Variants in CES4A observed in about 807,000 individuals in gnomAD.
The protein encoded by CES4A is carboxylesterase 6.
In CES4A, 48 loss-of-function variants were observed where a neutral mutation model predicts 65.4. The ratio of observed to expected loss-of-function variants is 0.73; its 90% CI spans 0.58 to 0.93. The LOEUF (loss-of-function observed/expected upper bound fraction) is 0.93. CES4A is among the 40% of genes least tolerant of loss of function. CES4A has a pLI of 0.00. For missense variants in CES4A, 685 were observed against 728.5 expected (o/e 0.94, Z 0.69); for synonymous variants, 247 against 281.8 (o/e 0.88, Z 1.24).
chr16:67,001,020 A>G lies in CES4A; in HGVS notation c.536+30A>G, dbSNP rs1243931075. 1 of 1,411,130 alleles carries G rather than the reference A, an allele frequency of 7.1e-7. No homozygotes were observed. Among genetic ancestry groups the G allele is most frequent in the Non-Finnish European group, 9.5e-7 (1 of 1,053,914 alleles). 87.4% of individuals were successfully genotyped at this position (1,411,130 alleles called of 1,614,324 possible). ...CGGGGCCGGTACCCTTTGGGACCGC[A>G]GCTGTGGCCAGAGCGGCGGGGACTG... On this transcript the variant is annotated intron_variant, in intron 4 of 13. Coordinates refer to ENST00000648724, the Ensembl canonical transcript of CES4A. This position sits in a 1 kb window ranked among gnomAD's most constrained non-coding sequence, Gnocchi z 4.1.
At chr16:67,004,146 C>T (rs1567586248) in exon 9 of CES4A, 1 of 1,614,136 alleles carries the variant, frequency 6.2e-7, no homozygotes, top group Non-Finnish European at 8.5e-7. Flanking sequence ...CTTTGGTGCT[C>T]CTGACCCAGG....
chr16:67,004,047 T>C (rs765501158), intron 8 of CES4A, 37 bp from the exon 9 acceptor site: 2 of 1,611,956 alleles, frequency 1.2e-6, no homozygotes, highest in East Asian at 2.2e-5. Context: ...GGGAGGATAC[T>C]TGAGGAGACT....
At chr16:67,010,412 T>C (rs1445084099), downstream of CES4A, among the ~76,000 whole-genome samples, 1 of 151,438 alleles carries the variant, frequency 6.6e-6, no homozygotes, top group Non-Finnish European at 1.5e-5. Flanking sequence ...ATTTTACCAT[T>C]TTAACTATTT....
chr16:66,989,483 C>G (rs1007251287), intron 1 of CES4A, among the ~76,000 whole-genome samples: 1 of 151,788 alleles, frequency 6.6e-6, no homozygotes, highest in African/African-American at 2.4e-5. Context: ...TTACTTGAGC[C>G]CAGGAGTTTG....
intron 2 of CES4A, 62 bp downstream of exon 2, chr16:66,995,891 G>A: frequency 6.8e-7 from 1 of 1,462,880 alleles, no homozygotes; most frequent in South Asian, 1.2e-5. Flanking sequence ...ATCTGGGTGG[G>A]GCTTTGCACA....
intron 1 of CES4A, 106 bp downstream of exon 1, chr16:66,988,936 T>C: frequency 7.4e-7 from 1 of 1,343,060 alleles, no homozygotes; most frequent in Non-Finnish European, 1.0e-6. Flanking sequence ...CAGGAGCACT[T>C]AGACAAGGCC....
chr16:66,999,535 C>T (rs1965116626), intron 2 of CES4A, among the ~76,000 whole-genome samples: 1 of 152,244 alleles, frequency 6.6e-6, no homozygotes, highest in Admixed American at 6.5e-5. Context: ...GGCATGGTGG[C>T]TCATGCCTAT....
intron 1 of CES4A, among the ~76,000 whole-genome samples, chr16:66,992,387 C>T (rs1432230390): frequency 6.6e-6 from 1 of 152,184 alleles, no homozygotes; most frequent in Non-Finnish European, 1.5e-5. Flanking sequence ...CATTTTTGGC[C>T]ACCTGCAGCT....
exon 12 of CES4A, chr16:67,006,475 A>G (rs528480220): frequency 7.2e-6 from 11 of 1,536,636 alleles, no homozygotes; most frequent in Middle Eastern, 1.7e-4. Context: ...GGGGCAGACC[A>G]TGGGGATGAG....
chr16:67,009,792 G>T (rs1966040189), downstream of CES4A: 1 of 152,284 alleles, frequency 6.6e-6, no homozygotes, highest in Non-Finnish European at 1.5e-5. Context: ...CTCAATTTGA[G>T]CCCTGAGAGA....
exon 14 of CES4A, chr16:67,009,059 G>C (rs1965990560): frequency 6.2e-7 from 1 of 1,614,192 alleles, no homozygotes; most frequent in Admixed American, 1.7e-5. Context: ...CACAAGAGTG[G>C]GCATGAAGCT....
At chr16:66,995,759 C>G (rs1964796545) in exon 2 of CES4A, 2 of 1,614,098 alleles carry the variant, frequency 1.2e-6, no homozygotes, top group African/African-American at 2.7e-5. Context: ...TCTAGGTATC[C>G]TCAGGTTTGC....
chr16:66,997,074 A>T (rs961877632), intron 2 of CES4A, among the ~76,000 whole-genome samples: 1 of 150,500 alleles, frequency 6.6e-6, no homozygotes, highest in African/African-American at 2.4e-5. Context: ...CAAAAAAAAA[A>T]ATAAAAGCAG....
intron 1 of CES4A, among the ~76,000 whole-genome samples, chr16:66,990,984 G>T (rs1211500832): frequency 1.3e-5 from 2 of 151,948 alleles, no homozygotes; most frequent in Non-Finnish European, 2.9e-5. Context: ...CTGAGTGAAG[G>T]CATGTGAACT....
chr16:66,995,392 CAAG>C (rs1386388213), intron 1 of CES4A, among the ~76,000 whole-genome samples: 1 of 152,036 alleles, frequency 6.6e-6, no homozygotes, highest in African/African-American at 2.4e-5. Flanking sequence ...GAGAGAAGCA[CAAG>C]AAGAAGTGGA....
chr16:66,995,723 T>G, exon 2 of CES4A: 1 of 1,614,208 alleles, frequency 6.2e-7, no homozygotes, highest in Non-Finnish European at 8.5e-7. Flanking sequence ...CCAAGTCTTT[T>G]TAGGAGTCCC....
intron 12 of CES4A, 79 bp from the exon 13 acceptor site, chr16:67,006,666 C>A (rs1836411200): frequency 6.6e-7 from 1 of 1,524,616 alleles, no homozygotes; most frequent in Admixed American, 1.7e-5. Flanking sequence ...GCTCCGGAAG[C>A]AGCAGAAGCA....
rs140173167 is a variant in CES4A, at chr16:67,003,181, G to T, written c.795+7G>T. 1.8e-3 allele frequency: 2,945 copies of T among 1,610,280 alleles called. 11 individuals are homozygous for T. The highest frequency in any genetic ancestry group is 1.4e-3 in the Non-Finnish European group (1,611 of 1,176,504). On this transcript the variant is annotated splice_region_variant and intron_variant, in intron 6 of 13. Coordinates refer to ENST00000648724, the Ensembl canonical transcript of CES4A. This position sits in a 1 kb window ranked among gnomAD's most constrained non-coding sequence, Gnocchi z 4.2. ...CCCACTGAAAGTGGCCAAGGTGAGTGCCTCTCCTTCCCCAGGGCTCAGCAT... is the reference window on the plus strand; with the variant it reads ...CCCACTGAAAGTGGCCAAGGTGAGTTCCTCTCCTTCCCCAGGGCTCAGCAT...
At chr16:66,998,579 A>G (rs1053499673) in intron 2 of CES4A, among the ~76,000 whole-genome samples, 1 of 152,186 alleles carries the variant, frequency 6.6e-6, no homozygotes, top group African/African-American at 2.4e-5. Context: ...CTCTAAAGAA[A>G]GAGAGGAGGC....
Sources: allele counts gnomAD v4.1 joint callset (sites outside exome capture counted in the v4.1 genomes callset), GRCh38; gene constraint gnomAD v4.1.1; non-coding constraint Gnocchi (gnomAD v3.1); transcripts MANE v1.5; gene names NCBI Gene and HGNC (gene_info 2026-07-23, HGNC 2026-07-21).